FMO5: variants seen among roughly 807,000 people sequenced by gnomAD.
FMO5 encodes the protein flavin containing dimethylaniline monoxygenase 5.
In FMO5, 51 loss-of-function variants were observed where a neutral mutation model predicts 43.6. The ratio of observed to expected loss-of-function variants is 1.17; its 90% CI spans 0.93 to 1.48. The LOEUF is 1.48. Ranked by LOEUF, FMO5 falls within the 40% of genes most tolerant of loss-of-function variation. FMO5 has a pLI of 0.00. For missense variants in FMO5, 644 were observed against 643.0 expected, an observed-to-expected ratio of 1.00 and a Z score of -0.02; for synonymous variants, 187 against 216.5, an observed-to-expected ratio of 0.86 and a Z score of 1.20.
At chr1:147,214,356 C>T (rs587615109) in intron 3 of FMO5, among the ~76,000 whole-genome samples, 5 of 151,648 alleles carry the variant, frequency 3.3e-5, no homozygotes, top group South Asian at 4.2e-4. Flanking sequence ...GAGGCTGAGG[C>T]GGGAGAATTG....
At chr1:147,190,462 G>A (rs781801949) in intron 7 of FMO5, among the ~76,000 whole-genome samples, 1 of 152,134 alleles carries the variant, frequency 6.6e-6, no homozygotes, top group East Asian at 1.9e-4. Context: ...TCTTTGGAAG[G>A]GATTTCCCCT....
chr1:147,213,661 A>G (rs1356058731), intron 3 of FMO5, among the ~76,000 whole-genome samples, 191 bp from the exon 4 acceptor site: 3 of 152,186 alleles, frequency 2.0e-5, no homozygotes, highest in African/African-American at 7.2e-5. Flanking sequence ...CAAGACAGAA[A>G]AAAATAACAT....
chr1:147,186,395 G>T lies in FMO5; in HGVS notation c.*505C>A. 1 of 887,368 alleles carries T rather than the reference G, an allele frequency of 1.1e-6. No homozygotes were observed. The highest frequency in any genetic ancestry group is 1.3e-6 in the Non-Finnish European group (1 of 740,854). The allele number at this position is 887,368 out of a possible 1,614,324, so 55.0% of individuals were successfully genotyped here. On this transcript the variant is annotated 3_prime_UTR_variant, in exon 9 of 9. Coordinates refer to ENST00000254090, the MANE Select transcript of FMO5 (RefSeq NM_001461.4). ...TTAAGCATCTATATGTCTTATCTTA[G>T]ATACATACAACTATTGTAGGAACAT... is the stretch of plus-strand genomic sequence containing the variant.
intron 2 of FMO5, among the ~76,000 whole-genome samples, chr1:147,219,285 C>A (rs1383054063): frequency 6.6e-6 from 1 of 152,060 alleles, no homozygotes; most frequent in Non-Finnish European, 1.5e-5. Flanking sequence ...TGTATAATCG[C>A]TCCCTGTTAG....
chr1:147,201,224 A>G lies in FMO5; in HGVS notation c.1111T>C (p.Leu371=). The G allele has an allele frequency of 6.2e-7, 1 of 1,614,194 alleles. No individual in the cohort carries two copies. Among genetic ancestry groups the G allele is most frequent in the Non-Finnish European group, 8.5e-7 (1 of 1,180,020 alleles). Residue 371 remains leucine (L), a synonymous_variant, in exon 7 of 9, where the codon TTG becomes CTG. Transcript: ENST00000254090. ...ATAATGGCTCCTAAGGGCTGAATCAAGCCTATGATTGCAAGAGTTGGCCTT... is the reference window on the plus strand; with the variant it reads ...ATAATGGCTCCTAAGGGCTGAATCAGGCCTATGATTGCAAGAGTTGGCCTT... The part of the protein sequence containing the change: ...LERPTLAIIG[L]IQPLGAIMPI...
chr1:147,186,765 G>A lies in FMO5; in HGVS notation c.*135C>T, dbSNP rs1559628894. 28 of 1,455,660 alleles carry A rather than the reference G, an allele frequency of 1.9e-5. No homozygotes were observed. The highest frequency in any genetic ancestry group is 8.9e-5 in the South Asian group (6 of 67,144). The allele number at this position is 1,455,660 out of a possible 1,614,324, so 90.2% of individuals were successfully genotyped here. ...AGGTTTCATTGTAGGAAAAAGGAAA[G>A]TGAATTAATGCTTTCGAAAGAGACA... On this transcript the variant is annotated 3_prime_UTR_variant, in exon 9 of 9. Coordinates refer to ENST00000254090, the MANE Select transcript of FMO5 (RefSeq NM_001461.4).
chr1:147,224,182 G>A, intron 2 of FMO5: 1 of 262,926 alleles, frequency 3.8e-6, no homozygotes, highest in Non-Finnish European at 7.6e-6. Context: ...TCACTAGGAA[G>A]ACAAAGGAGG....
intron 2 of FMO5, among the ~76,000 whole-genome samples, 155 bp from the exon 3 acceptor site, chr1:147,216,097 G>C (rs1227245176): frequency 6.6e-6 from 1 of 152,132 alleles, no homozygotes; most frequent in Non-Finnish European, 1.5e-5. Context: ...CCTTCCCCTT[G>C]AATCTCAGTT....
chr1:147,190,201 T>A lies in FMO5; in HGVS notation c.1232A>T (p.Lys411Ile). The A allele has an allele frequency of 1.2e-6, 2 of 1,611,638 alleles. No homozygotes were observed. Among genetic ancestry groups the A allele is most frequent in the Non-Finnish European group, 1.7e-6 (2 of 1,178,366 alleles). ...CCTTTTGTCAATTTCCTCTTGAGCT[T>A]TAGATATTTCTGCCATCATTTCACT... ...SQSEMMAEIS[K>I]AQEEIDKRYV... The change falls in exon 8 of 9, where the codon AAA (lysine) becomes ATA (isoleucine). Residue 411 changes from lysine (K) to isoleucine (I), a missense_variant. By Grantham distance (102) the Lys-to-Ile change is moderately radical. Coordinates refer to ENST00000254090, the MANE Select transcript of FMO5 (RefSeq NM_001461.4).
intron 3 of FMO5, chr1:147,214,940 A>G (rs1355020234): frequency 6.6e-6 from 1 of 152,162 alleles, no homozygotes; most frequent in Non-Finnish European, 1.5e-5. Context: ...GACTTACTTT[A>G]GAAGTTCACT....
intron 5 of FMO5, among the ~76,000 whole-genome samples, chr1:147,212,048 A>G (rs913882782): frequency 2.6e-5 from 4 of 152,188 alleles, no homozygotes; most frequent in Non-Finnish European, 4.4e-5. Context: ...CGCTCTCAAT[A>G]CTGCTTTCTA....
At chr1:147,203,743 A>G in intron 6 of FMO5, 1 of 1,532,978 alleles carries the variant, frequency 6.5e-7, no homozygotes, top group Non-Finnish European at 9.0e-7. Flanking sequence ...CTTTGAAAGT[A>G]TTAACACCAT....
At position 147,213,456 on chromosome 1, in the gene FMO5, A is replaced by T. The variant is rs782593257; in HGVS notation, c.339T>A (p.Ser113Arg). 5.6e-6 allele frequency: 9 copies of T among 1,608,366 alleles called. No homozygotes were observed. The African/African-American group carries it at 1.2e-4, about 21-fold the overall frequency. Residue 113 changes from serine to arginine, a missense_variant, in exon 4 of 9, where the codon AGT becomes AGA. Physicochemically the swap from Ser to Arg is moderately radical, Grantham distance 110. Coordinates refer to ENST00000254090, the MANE Select transcript of FMO5 (RefSeq NM_001461.4). ...TGGCAAAATCAGGCTGCTTCTTCAC[A>T]CTGCACACAGTGGTCTGAAAAGAAA... The part of the protein sequence containing the change: ...KYIRFKTTVC[S>R]VKKQPDFATS...
downstream of FMO5, chr1:147,184,601 G>A (rs1217087591): frequency 9.7e-6 from 15 of 1,547,784 alleles, no homozygotes; most frequent in South Asian, 1.2e-5. The surrounding 1 kb of genome is among the most constrained non-coding windows in gnomAD (Gnocchi z 4.4). Context: ...CTTCAACTTG[G>A]GTTTGTCTGA....
chr1:147,226,743 C>T (rs1553927930), upstream of FMO5, among the ~76,000 whole-genome samples: 1 of 152,162 alleles, frequency 6.6e-6, no homozygotes, highest in African/African-American at 2.4e-5. Context: ...TCATGAGAGG[C>T]AACTGATATT....
downstream of FMO5, chr1:147,184,461 T>C (rs72708553): frequency 0.03 from 42,080 of 1,403,462 alleles, 888 homozygotes; most frequent in South Asian, 0.085. This position sits in a 1 kb window ranked among gnomAD's most constrained non-coding sequence, Gnocchi z 4.4. Context: ...GTTGCAGGAG[T>C]CCATCCAGGA....
downstream of FMO5, among the ~76,000 whole-genome samples, chr1:147,185,064 A>G (rs1416957084): frequency 6.6e-6 from 1 of 152,128 alleles, no homozygotes; most frequent in Non-Finnish European, 1.5e-5. Context: ...TAAATTGATG[A>G]ATATTATTAG....
chr1:147,201,544 A>G, intron 6 of FMO5, 40 bp from the exon 7 acceptor site: 1 of 1,517,298 alleles, frequency 6.6e-7, no homozygotes, highest in Non-Finnish European at 9.1e-7. Context: ...AAATGAGAGA[A>G]AGAGAAATCA....
At chr1:147,195,921 G>A (rs1490899841) in intron 7 of FMO5, among the ~76,000 whole-genome samples, 7 of 152,036 alleles carry the variant, frequency 4.6e-5, no homozygotes, top group Admixed American at 4.6e-4. Context: ...TTATTTGACT[G>A]CTCTGGCTGC....
Sources: gnomAD v4.1 joint callset for allele counts (sites outside exome capture counted in the v4.1 genomes callset) on GRCh38, gnomAD v4.1.1 for gene constraint, Gnocchi (gnomAD v3.1) non-coding constraint, MANE v1.5 for transcripts, NCBI Gene and HGNC (gene_info 2026-07-23, HGNC 2026-07-21) for gene names.